DPP6: variants seen among roughly 807,000 people sequenced by gnomAD.
DPP6 encodes A-type potassium channel modulatory protein DPP6.
Under a neutral mutation model 122.6 loss-of-function variants are expected in DPP6, and 69 were observed. The observed-to-expected ratio is 0.56, with a 90% CI of 0.46 to 0.69. The LOEUF (loss-of-function observed/expected upper bound fraction) is 0.69, where lower values mean the gene tolerates loss of function less well. Among genes scored for constraint, DPP6 ranks in the 30% least tolerant of loss-of-function variants. The probability of loss-of-function intolerance (pLI) is 0.00; values close to 1 mark genes in which losing one functional copy is unlikely to be tolerated. For missense variants in DPP6, 928 were observed against 1,116.9 expected (o/e 0.83, Z 2.41); for synonymous variants, 418 against 433.1 (o/e 0.97, Z 0.43).
rs532588850 is a variant in DPP6 at position 154,063,491 on chromosome 7, C to T, written c.243+10428C>T. On this transcript the variant is annotated intron_variant, in intron 1 of 25. Coordinates refer to ENST00000377770, the MANE Select transcript of DPP6 (RefSeq NM_130797.4). Reference sequence around the variant, plus strand: ...GGGACTGAGAGCCATTCCCTCTTCCCCCCCTGGCTCTTAAGACCCCCATCG... The same window carrying T: ...GGGACTGAGAGCCATTCCCTCTTCCTCCCCTGGCTCTTAAGACCCCCATCG... Among the ~76,000 whole-genome samples the T allele has an allele frequency of 7.3e-4, 95 of 130,230 alleles. 11 individuals are homozygous for T. Among genetic ancestry groups the T allele is most frequent in the Non-Finnish European group, 1.4e-3 (85 of 58,968 alleles). The allele number at this position is 130,230 out of a possible 152,430, so 85.4% of individuals were successfully genotyped here.
At chr7:154,179,465 G>A (rs751943773) in intron 1 of DPP6, among the ~76,000 whole-genome samples, 8 of 152,206 alleles carry the variant, frequency 5.3e-5, no homozygotes, top group Non-Finnish European at 7.4e-5. Context: ...TGATATTCTA[G>A]GGATAAATTC....
chr7:154,658,018 C>A (rs1187804232), intron 6 of DPP6, among the ~76,000 whole-genome samples: 1 of 152,104 alleles, frequency 6.6e-6, no homozygotes, highest in African/African-American at 2.4e-5. Context: ...CTGTGCTTGC[C>A]AGGGTTTGGT....
chr7:154,637,823 A>T lies in DPP6; in HGVS notation c.630A>T (p.Ile210=). 2.5e-6 allele frequency: 4 copies of T among 1,579,024 alleles called. No individual in the cohort carries two copies. Among genetic ancestry groups the T allele is most frequent in the Non-Finnish European group, 3.4e-6 (4 of 1,161,040 alleles). ...TTTTTCCTTTTTGTCTGTTGCAGAT[A>T]TATCAACACTCGTATACTGGATATT... ...YALFSYNVEP[I]YQHSYTGYYV... The change falls in exon 6 of 26, where the codon ATA becomes ATT. Residue 210 remains isoleucine, a splice_region_variant and synonymous_variant. Transcript: ENST00000377770.
intron 1 of DPP6, among the ~76,000 whole-genome samples, chr7:153,919,058 G>A (rs1800513170): frequency 1.3e-5 from 2 of 150,888 alleles, no homozygotes; most frequent in South Asian, 4.2e-4. Flanking sequence ...GAGTAAGAAT[G>A]TCTGTTCCTC....
chr7:154,305,319 G>C, intron 1 of DPP6: 1 of 1,361,686 alleles, frequency 7.3e-7, no homozygotes, highest in Non-Finnish European at 9.5e-7. Flanking sequence ...CATTTAAAGA[G>C]CAAACTCGTC....
intron 1 of DPP6, among the ~76,000 whole-genome samples, chr7:154,027,773 C>A (rs930407502): frequency 6.6e-6 from 1 of 151,730 alleles, no homozygotes; most frequent in African/African-American, 2.4e-5. Flanking sequence ...TCCCTTCTTC[C>A]CCTTATCCAA....
In DPP6 at chr7:154,795,842, C is replaced by A; in HGVS notation, c.1261-3C>A. ...CTTGTCTAATGCTCTCATTTCATTT[C>A]AGAAACACGAGGATGAAAGTGAGGC... On this transcript the variant is annotated splice_region_variant and splice_polypyrimidine_tract_variant and intron_variant, in intron 11 of 25. Transcript: ENST00000377770. 1 of 1,610,800 alleles carries A rather than the reference C, an allele frequency of 6.2e-7. No homozygotes were observed. Among genetic ancestry groups the A allele is most frequent in the Non-Finnish European group, 8.5e-7 (1 of 1,178,486 alleles).
At chr7:154,806,300 G>A (rs3807273) in intron 15 of DPP6, among the ~76,000 whole-genome samples, 56,443 of 152,088 alleles carry the variant, frequency 0.37, 10,979 homozygotes, top group East Asian at 0.49. Flanking sequence ...AAAATGTTCA[G>A]ATAAGAACTT....
At chr7:154,113,412 T>TATACACAC (rs1472172445) in intron 1 of DPP6, among the ~76,000 whole-genome samples, 2 of 141,790 alleles carry the variant, frequency 1.4e-5, no homozygotes, top group Admixed American at 7.1e-5. Flanking sequence ...TATATATATA[T>TATACACAC]ACACACACAC....
At chr7:153,756,199 C>T in the DPP6 span, among the ~76,000 whole-genome samples, 1 of 151,688 alleles carries the variant, frequency 6.6e-6, no homozygotes, top group Non-Finnish European at 1.5e-5. Flanking sequence ...TCTGAATTCC[C>T]AGGTTCCCTC....
intron 20 of DPP6, among the ~76,000 whole-genome samples, chr7:154,880,136 C>T (rs1178595303): frequency 2.0e-5 from 3 of 152,218 alleles, no homozygotes; most frequent in African/African-American, 7.2e-5. Context: ...ATCTAACAAG[C>T]AACAAGCCCA....
intron 1 of DPP6, among the ~76,000 whole-genome samples, chr7:154,185,997 G>T (rs1004493123): frequency 1.5e-4 from 23 of 152,200 alleles, no homozygotes; most frequent in African/African-American, 5.5e-4. Flanking sequence ...ACCATATGAC[G>T]CATGCACAAC....
intron 19 of DPP6, among the ~76,000 whole-genome samples, chr7:154,874,224 G>C (rs6597434): frequency 1.3e-5 from 2 of 152,168 alleles, no homozygotes; most frequent in Non-Finnish European, 2.9e-5. Context: ...AACAACTTCC[G>C]AACCAGCTTT....
At chr7:154,812,426 A>G (rs187065788) in intron 16 of DPP6, among the ~76,000 whole-genome samples, 90 of 152,356 alleles carry the variant, frequency 5.9e-4, no homozygotes, top group Non-Finnish European at 9.0e-4. Context: ...GCTTATAAAC[A>G]ACAGAAAATT....
At chr7:154,689,311 T>C (rs1839807555) in intron 7 of DPP6, among the ~76,000 whole-genome samples, 1 of 152,248 alleles carries the variant, frequency 6.6e-6, no homozygotes, top group Non-Finnish European at 1.5e-5. Context: ...ACCTCGGTCA[T>C]TGGGTTTTGT....
intron 1 of DPP6, among the ~76,000 whole-genome samples, chr7:154,322,334 G>A (rs1438995322): frequency 6.6e-6 from 1 of 152,012 alleles, no homozygotes; most frequent in East Asian, 1.9e-4. Context: ...TTCTTATTTG[G>A]GCAAAATAAG....
At position 154,062,304 on chromosome 7, in the gene DPP6, C is replaced by A. The variant is rs564471981; in HGVS notation, c.243+9241C>A. Among the ~76,000 whole-genome samples, 17 of 75,480 alleles carry A rather than the reference C, an allele frequency of 2.3e-4. 3 individuals carry two copies. Among genetic ancestry groups the A allele is most frequent in the Admixed American group, 4.2e-4 (3 of 7,070 alleles). The allele number at this position is 75,480 out of a possible 152,430, so 49.5% of individuals were successfully genotyped here. ...AGCCAGTCCCTCTTCCCCCCCGGCT[C>A]TGAGGACCCCCATCGCAGGAGGGGG... On this transcript the variant is annotated intron_variant, in intron 1 of 25. Coordinates refer to ENST00000377770, the MANE Select transcript of DPP6 (RefSeq NM_130797.4).
chr7:154,776,602 C>T (rs912661342), intron 10 of DPP6, among the ~76,000 whole-genome samples: 5 of 152,108 alleles, frequency 3.3e-5, no homozygotes, highest in South Asian at 2.1e-4. Context: ...GGCCCTGGCT[C>T]CAGTTCTGCA....
At chr7:154,093,435 A>G (rs1385029529) in intron 1 of DPP6, among the ~76,000 whole-genome samples, 74 of 135,370 alleles carry the variant, frequency 5.5e-4, no homozygotes, top group Non-Finnish European at 1.0e-3. Context: ...ACCCCATAAC[A>G]TACCACATCA....
Sources: gnomAD v4.1 joint callset for allele counts (sites outside exome capture counted in the v4.1 genomes callset) on GRCh38, gnomAD v4.1.1 for gene constraint, MANE v1.5 for transcripts, NCBI Gene and HGNC (gene_info 2026-07-23, HGNC 2026-07-21) for gene names.